The following PTPRD variants were observed in gnomAD, a reference collection of about 807,000 sequenced individuals.
The protein encoded by PTPRD is receptor-type tyrosine-protein phosphatase delta.
A neutral mutation model predicts 214.5 loss-of-function variants in PTPRD; 34 were observed. The observed-to-expected ratio is 0.16, with a 90% CI of 0.12 to 0.21. The LOEUF is 0.21. PTPRD is among the 10% of genes least tolerant of loss of function. The pLI, the probability that PTPRD is intolerant of heterozygous loss-of-function variation, is 1.00. For synonymous variants in PTPRD, 1,128 were observed against 845.7 expected, an observed-to-expected ratio of 1.33 and a Z score of -5.79; for missense variants, 2,545 against 2,398.7, an observed-to-expected ratio of 1.06 and a Z score of -1.27.
chr9:10,438,988 G>A (rs191306079), intron 2 of PTPRD, among the ~76,000 whole-genome samples: 44 of 151,678 alleles, frequency 2.9e-4, no homozygotes, highest in African/African-American at 1.0e-3. Context: ...CCCCTGTTTG[G>A]ACCAGAGAGA....
At chr9:8,335,198 A>C (rs192961261) in intron 43 of PTPRD, among the ~76,000 whole-genome samples, 2,208 of 151,730 alleles carry the variant, frequency 0.015, 56 homozygotes, top group African/African-American at 0.05. Context: ...ACAACAAAAA[A>C]GAAAATTCCA....
rs2097353134 is a variant in PTPRD at position 8,499,731 on chromosome 9, T to C, written c.2238A>G (p.Gly746=). 1.1e-5 allele frequency: 17 copies of C among 1,614,098 alleles called. No homozygotes were observed. The highest frequency in any genetic ancestry group is 1.4e-5 in the Non-Finnish European group (16 of 1,180,004). Residue 746 remains glycine (G), a synonymous_variant, in exon 25 of 46, where the codon GGA becomes GGG. Coordinates refer to ENST00000381196, the MANE Select transcript of PTPRD (RefSeq NM_002839.4). Reference sequence around the variant, plus strand: ...CCATCCTCACATAATGCACCTGATATCCTCTTATCTGGCCATGCTGTTTAT... The same window carrying C: ...CCATCCTCACATAATGCACCTGATACCCTCTTATCTGGCCATGCTGTTTAT... The part of the protein sequence containing the change: ...VPNKQHGQIR[G]YQVHYVRMEN...
chr9:9,767,924 CT>C (rs1170209639), intron 5 of PTPRD, among the ~76,000 whole-genome samples: 1 of 152,136 alleles, frequency 6.6e-6, no homozygotes, highest in Non-Finnish European at 1.5e-5. Flanking sequence ...TATGGAGCTA[CT>C]GGGTGATGGA....
chr9:9,286,027 A>G (rs1233124216), intron 9 of PTPRD, among the ~76,000 whole-genome samples: 1 of 151,576 alleles, frequency 6.6e-6, no homozygotes, highest in African/African-American at 2.4e-5. Flanking sequence ...GCCATCCCCC[A>G]CCCGATACTT....
rs150112130 is a variant in PTPRD at position 9,344,647 on chromosome 9, T to G, written c.-203+52802A>C. ...TATCTAGAAGGTCTGCACCACAATG[T>G]TTCTGTATTCTGAAAATTAACTTAC... On this transcript the variant is annotated intron_variant, in intron 9 of 45. Coordinates refer to ENST00000381196, the MANE Select transcript of PTPRD (RefSeq NM_002839.4). Among the ~76,000 whole-genome samples, 123 of 152,232 alleles carry G rather than the reference T, an allele frequency of 8.1e-4. 3 individuals are homozygous for G. In the East Asian group the frequency reaches 0.018, roughly 22 times the overall value.
At chr9:9,796,941 C>T (rs1382282842) in intron 5 of PTPRD, among the ~76,000 whole-genome samples, 1 of 152,068 alleles carries the variant, frequency 6.6e-6, no homozygotes, top group Non-Finnish European at 1.5e-5. Context: ...TATTCATCAT[C>T]TGAATAGTAA....
chr9:8,733,827 C>T lies in PTPRD; in HGVS notation c.17G>A (p.Arg6Lys), dbSNP rs2098687998. Reference protein sequence around the residue: MVHVARLLLLLLTFFL... With the variant: MVHVAKLLLLLLTFFL... ...GAAAGTGAGGAGCAGCAGCAGCAGC[C>T]TGGCTACGTGCACCATCCTGCAGCT... Residue 6 changes from arginine to lysine, a missense_variant, in exon 12 of 46, where the codon AGG becomes AAG. Coordinates refer to ENST00000381196, the MANE Select transcript of PTPRD (RefSeq NM_002839.4). The T allele has an allele frequency of 6.4e-7, 1 of 1,552,254 alleles. No homozygotes were observed. The highest frequency in any genetic ancestry group is 8.7e-7 in the Non-Finnish European group (1 of 1,147,438).
At chr9:9,654,280 A>G (rs969069981) in intron 7 of PTPRD, among the ~76,000 whole-genome samples, 1 of 152,188 alleles carries the variant, frequency 6.6e-6, no homozygotes, top group African/African-American at 2.4e-5. Flanking sequence ...TATGTGATGT[A>G]TAATTTTAAG....
intron 11 of PTPRD, among the ~76,000 whole-genome samples, chr9:8,816,872 G>T (rs963627565): frequency 3.9e-5 from 6 of 152,138 alleles, no homozygotes; most frequent in Non-Finnish European, 8.8e-5. Flanking sequence ...CACCTTCTAA[G>T]GAATACAACA....
chr9:8,490,444 C>T (rs1387157352), intron 27 of PTPRD, among the ~76,000 whole-genome samples: 1 of 152,194 alleles, frequency 6.6e-6, no homozygotes, highest in Non-Finnish European at 1.5e-5. Context: ...AACGCAACAA[C>T]AATCACAATT....
intron 5 of PTPRD, among the ~76,000 whole-genome samples, chr9:9,846,486 GTTA>G (rs1247525987): frequency 6.6e-6 from 1 of 152,104 alleles, no homozygotes; most frequent in Non-Finnish European, 1.5e-5. Context: ...TGTAAATCAA[GTTA>G]TTATAAAATA....
intron 2 of PTPRD, among the ~76,000 whole-genome samples, chr9:10,530,314 A>G (rs374647027): frequency 3.3e-5 from 5 of 152,282 alleles, no homozygotes; most frequent in East Asian, 3.9e-4. Context: ...AGTGTACCAA[A>G]TTAGACTTTT....
chr9:8,935,022 C>T (rs1208422431), intron 11 of PTPRD, among the ~76,000 whole-genome samples: 1 of 152,054 alleles, frequency 6.6e-6, no homozygotes, highest in African/African-American at 2.4e-5. Context: ...TATATATACA[C>T]ACACAGAGAG....
At chr9:10,386,261 G>A (rs2097912857) in intron 2 of PTPRD, among the ~76,000 whole-genome samples, 1 of 151,750 alleles carries the variant, frequency 6.6e-6, no homozygotes, top group African/African-American at 2.4e-5. Flanking sequence ...TTAGCCCAAT[G>A]GACATATTTT....
At chr9:10,236,505 C>T (rs1205458549) in intron 3 of PTPRD, among the ~76,000 whole-genome samples, 3 of 151,870 alleles carry the variant, frequency 2.0e-5, no homozygotes, top group South Asian at 2.1e-4. Context: ...TTGACTACCG[C>T]AGTTTTCTTA....
At chr9:10,588,484 GAAAT>G (rs2074534676) in intron 2 of PTPRD, among the ~76,000 whole-genome samples, 1 of 145,382 alleles carries the variant, frequency 6.9e-6, no homozygotes, top group African/African-American at 2.5e-5. Flanking sequence ...AAACAAACCA[GAAAT>G]AAATATTAAT....
At chr9:8,555,553 G>A (rs10122527) in intron 14 of PTPRD, among the ~76,000 whole-genome samples, 151,676 of 152,366 alleles carry the variant, frequency 1, 75,496 homozygotes, top group Middle Eastern at 1. Context: ...CTAAATCCAA[G>A]TTTCTCAGAG....
intron 11 of PTPRD, among the ~76,000 whole-genome samples, chr9:8,960,468 T>C (rs183399928): frequency 4.1e-4 from 63 of 152,108 alleles, no homozygotes; most frequent in Non-Finnish European, 7.1e-4. Flanking sequence ...GTAAAAGAAA[T>C]CCAGGCCAAA....
chr9:9,425,697 G>A (rs1419358661), intron 8 of PTPRD, among the ~76,000 whole-genome samples: 1 of 151,786 alleles, frequency 6.6e-6, no homozygotes, highest in Non-Finnish European at 1.5e-5. Context: ...CAATGATGCA[G>A]ATATAGTTTT....
Sources: allele counts gnomAD v4.1 joint callset (sites outside exome capture counted in the v4.1 genomes callset), GRCh38; gene constraint gnomAD v4.1.1; transcripts MANE v1.5; gene names NCBI Gene and HGNC (gene_info 2026-07-23, HGNC 2026-07-21).